MEIS1: variants seen among roughly 807,000 people sequenced by gnomAD.
The protein encoded by MEIS1 is Meis homeobox 1.
In MEIS1, 5 loss-of-function variants were observed where a neutral mutation model predicts 50.8. That is an observed-to-expected ratio of 0.10 (90% CI 0.05 to 0.21). The LOEUF is 0.21. Among genes scored for constraint, MEIS1 ranks in the 10% least tolerant of loss-of-function variants. The pLI is 1.00. For synonymous variants in MEIS1, 176 were observed against 179.3 expected (o/e 0.98, Z 0.15); for missense variants, 318 against 517.3 (o/e 0.61, Z 3.74).
intron 6 of MEIS1, among the ~76,000 whole-genome samples, chr2:66,445,745 G>A (rs893311280): frequency 1.3e-5 from 2 of 152,152 alleles, no homozygotes; most frequent in Non-Finnish European, 2.9e-5. Context: ...GATACTAGGC[G>A]GTATCCCGGA....
intron 8 of MEIS1, among the ~76,000 whole-genome samples, chr2:66,532,084 G>T (rs556250027): frequency 6.6e-6 from 1 of 152,144 alleles, no homozygotes; most frequent in African/African-American, 2.4e-5. Context: ...CTGAGGTGGA[G>T]TGTCTTCTGT....
At chr2:66,531,919 T>A (rs1674401581) in intron 8 of MEIS1, among the ~76,000 whole-genome samples, 1 of 151,956 alleles carries the variant, frequency 6.6e-6, no homozygotes, top group Non-Finnish European at 1.5e-5. Context: ...GTTTGGTAGG[T>A]ATGGCTCTCA....
At chr2:66,504,729 G>A (rs184410826) in intron 7 of MEIS1, among the ~76,000 whole-genome samples, 292 of 152,162 alleles carry the variant, frequency 1.9e-3, no homozygotes, top group African/African-American at 6.5e-3. Flanking sequence ...CATCTTTTCC[G>A]TCATTGCCAC....
chr2:66,468,245 A>C (rs1672685914), intron 7 of MEIS1, among the ~76,000 whole-genome samples: 1 of 151,948 alleles, frequency 6.6e-6, no homozygotes, highest in Non-Finnish European at 1.5e-5. Context: ...ATCAGAGCCT[A>C]CTCTAGGAAC....
chr2:66,492,966 T>TA (rs1424205637), intron 7 of MEIS1, among the ~76,000 whole-genome samples: 4 of 152,188 alleles, frequency 2.6e-5, no homozygotes, highest in Non-Finnish European at 5.9e-5. Flanking sequence ...GTAGACCTCC[T>TA]ACCTTCATAA....
intron 7 of MEIS1, among the ~76,000 whole-genome samples, chr2:66,473,397 A>AAAAAAAAAATATATATATATAT: frequency 1.9e-5 from 2 of 107,578 alleles, no homozygotes; most frequent in African/African-American, 5.8e-5. Flanking sequence ...AAAAAAAAAA[A>AAAAAAAAAATATATATATATAT]ATATATATAT....
intron 6 of MEIS1, among the ~76,000 whole-genome samples, chr2:66,452,746 T>G (rs1216923360): frequency 6.6e-6 from 1 of 151,990 alleles, no homozygotes; most frequent in African/African-American, 2.4e-5. Context: ...TGAAGAATGT[T>G]GTTCATAAAG....
chr2:66,447,951 T>G (rs1343407610), intron 6 of MEIS1, among the ~76,000 whole-genome samples: 2 of 152,194 alleles, frequency 1.3e-5, no homozygotes, highest in African/African-American at 4.8e-5. Context: ...ACAGTAACTA[T>G]TGTTCAGTGA....
chr2:66,436,541 G>T lies in MEIS1; in HGVS notation c.12+673G>T, dbSNP rs876526. Among the ~76,000 whole-genome samples, 8 of 152,202 alleles carry T rather than the reference G, an allele frequency of 5.3e-5. No homozygotes were observed. The East Asian group carries it at 1.5e-3, about 29-fold the overall frequency. ...AGTGAGACAATGACAACCCAACTGA[G>T]GTAGTTTCTTAAAAGAAAGGGGGTC... On this transcript the variant is annotated intron_variant, in intron 1 of 12. Transcript: ENST00000272369.
intron 8 of MEIS1, among the ~76,000 whole-genome samples, chr2:66,522,897 G>T (rs979493025): frequency 6.6e-6 from 1 of 152,172 alleles, no homozygotes; most frequent in East Asian, 1.9e-4. Context: ...TTGGATTTTT[G>T]CAGAGTGCTC....
chr2:66,503,608 A>G (rs1376039647), intron 7 of MEIS1, among the ~76,000 whole-genome samples: 2 of 152,146 alleles, frequency 1.3e-5, no homozygotes, highest in Non-Finnish European at 2.9e-5. Context: ...AGAAACAGAA[A>G]CTGCTGATTT....
chr2:66,473,951 C>T (rs2103767919), intron 7 of MEIS1, among the ~76,000 whole-genome samples: 1 of 152,150 alleles, frequency 6.6e-6, no homozygotes, highest in East Asian at 1.9e-4. Flanking sequence ...CACATCCTCC[C>T]ATATACTTTA....
At chr2:66,486,021 C>T (rs954610419) in intron 7 of MEIS1, among the ~76,000 whole-genome samples, 1 of 152,110 alleles carries the variant, frequency 6.6e-6, no homozygotes, top group East Asian at 1.9e-4. Context: ...GGATAGATTG[C>T]AAAAATCTTC....
intron 8 of MEIS1, among the ~76,000 whole-genome samples, chr2:66,524,273 A>G (rs920156043): frequency 2.0e-5 from 3 of 152,186 alleles, no homozygotes; most frequent in African/African-American, 7.2e-5. Flanking sequence ...TGTAAAGGTA[A>G]TATTGTGGCT....
At chr2:66,555,472 A>G (rs1015374465) in intron 9 of MEIS1, among the ~76,000 whole-genome samples, 1 of 152,136 alleles carries the variant, frequency 6.6e-6, no homozygotes, top group Non-Finnish European at 1.5e-5. Context: ...GTTACTCTTC[A>G]TCTTCTCAAA....
At chr2:66,518,940 C>T (rs556359953) in intron 8 of MEIS1, among the ~76,000 whole-genome samples, 1 of 152,232 alleles carries the variant, frequency 6.6e-6, no homozygotes, top group South Asian at 2.1e-4. Flanking sequence ...ATCTACATGT[C>T]GTGGAATTTA....
At chr2:66,537,114 C>T (rs759161842) in intron 8 of MEIS1, among the ~76,000 whole-genome samples, 16 of 152,184 alleles carry the variant, frequency 1.1e-4, no homozygotes, top group Non-Finnish European at 1.9e-4. Flanking sequence ...CTTCAATCCA[C>T]GTCCCTGTAG....
intron 7 of MEIS1, among the ~76,000 whole-genome samples, chr2:66,494,054 G>T (rs1380710672): frequency 6.6e-6 from 1 of 152,152 alleles, no homozygotes; most frequent in Non-Finnish European, 1.5e-5. Flanking sequence ...GGTATGATGG[G>T]CTGTATAGAA....
intron 9 of MEIS1, among the ~76,000 whole-genome samples, chr2:66,549,367 C>G (rs950218130): frequency 1.4e-4 from 22 of 152,120 alleles, no homozygotes; most frequent in African/African-American, 5.1e-4. Context: ...CATACTACAT[C>G]TAAATGTGTT....
Sources: allele counts gnomAD v4.1 joint callset (sites outside exome capture counted in the v4.1 genomes callset), GRCh38; gene constraint gnomAD v4.1.1; transcripts MANE v1.5; gene names NCBI Gene and HGNC (gene_info 2026-07-23, HGNC 2026-07-21).